The following SCLT1 variants were observed in gnomAD, a reference collection of about 807,000 sequenced individuals.
SCLT1 encodes the protein sodium channel and clathrin linker 1, also known as sodium channel-associated protein 1.
A neutral mutation model predicts 112.8 loss-of-function variants in SCLT1; 78 were observed. That is an observed-to-expected ratio of 0.69 (90% CI 0.58 to 0.83). The LOEUF is 0.83. Among genes scored for constraint, SCLT1 ranks in the 40% least tolerant of loss-of-function variants. The probability of loss-of-function intolerance (pLI) is 0.00; values close to 1 mark genes in which losing one functional copy is unlikely to be tolerated. For synonymous variants in SCLT1, 257 were observed against 254.7 expected (o/e 1.01, Z -0.09); for missense variants, 747 against 770.4 (o/e 0.97, Z 0.36).
At chr4:128,970,208 A>G (rs547463990) in intron 10 of SCLT1, among the ~76,000 whole-genome samples, 170 bp downstream of exon 10, 1 of 152,288 alleles carries the variant, frequency 6.6e-6, no homozygotes, top group African/African-American at 2.4e-5. Context: ...AATTCTTTAT[A>G]AAGTTGTTTT....
chr4:128,904,413 A>G (rs1191428033), intron 18 of SCLT1, among the ~76,000 whole-genome samples: 1 of 152,184 alleles, frequency 6.6e-6, no homozygotes, highest in Non-Finnish European at 1.5e-5. Context: ...TTTACTAAGT[A>G]ATTTACATAT....
chr4:129,043,005 A>C (rs1000705632), intron 4 of SCLT1, among the ~76,000 whole-genome samples: 1 of 152,086 alleles, frequency 6.6e-6, no homozygotes, highest in Non-Finnish European at 1.5e-5. Context: ...CCAGGGAGTC[A>C]GAGGTTGCAG....
chr4:129,057,640 A>G (rs1749554833), intron 2 of SCLT1, among the ~76,000 whole-genome samples: 1 of 149,796 alleles, frequency 6.7e-6, no homozygotes, highest in Non-Finnish European at 1.5e-5. Context: ...TATTTCTTCT[A>G]CATTTAATCT....
intron 2 of SCLT1, among the ~76,000 whole-genome samples, chr4:129,070,625 T>C (rs1242148431): frequency 3.3e-5 from 5 of 152,214 alleles, no homozygotes; most frequent in Non-Finnish European, 7.3e-5. Context: ...CATTTCTTAG[T>C]GAGGTTATTG....
In SCLT1 at chr4:129,061,790, T is replaced by G. The variant is rs538916512; in HGVS notation, c.103-17739A>C. Among the ~76,000 whole-genome samples the G allele has an allele frequency of 1.7e-3, 255 of 152,210 alleles. 1 individual carries two copies. Among genetic ancestry groups the G allele is most frequent in the Non-Finnish European group, 2.2e-3 (152 of 68,004 alleles). ...TGAGATGAGGTGGCTGAAAAGCTGC[T>G]TAGCCTCAGTTAATGAAGGGGAGCT... On this transcript the variant is annotated intron_variant, in intron 2 of 20. Transcript: ENST00000281142.
At chr4:129,037,496 T>A (rs1371535652) in intron 5 of SCLT1, 7 of 152,204 alleles carry the variant, frequency 4.6e-5, no homozygotes, top group African/African-American at 1.7e-4. Context: ...GTCAATATCC[T>A]ATGACCCTTT....
intron 18 of SCLT1, among the ~76,000 whole-genome samples, chr4:128,908,529 C>T (rs1192086185): frequency 6.6e-6 from 1 of 152,026 alleles, no homozygotes; most frequent in East Asian, 1.9e-4. Context: ...TTGTTTTGGA[C>T]AAGCGAATAT....
intron 17 of SCLT1, among the ~76,000 whole-genome samples, chr4:128,942,401 A>T (rs2125988677): frequency 6.6e-6 from 1 of 152,254 alleles, no homozygotes; most frequent in Non-Finnish European, 1.5e-5. Context: ...TGACATGGGG[A>T]AAGGTAAGCA....
intron 18 of SCLT1, among the ~76,000 whole-genome samples, chr4:128,923,318 T>C (rs962356826): frequency 2.0e-5 from 3 of 151,996 alleles, no homozygotes; most frequent in Admixed American, 2.0e-4. Flanking sequence ...TGGTGGCACA[T>C]GCCTGTATCC....
chr4:128,941,058 C>T (rs1049111325), intron 17 of SCLT1, among the ~76,000 whole-genome samples: 1 of 151,316 alleles, frequency 6.6e-6, no homozygotes, highest in Non-Finnish European at 1.5e-5. Flanking sequence ...ATTTTTTATT[C>T]GGTTACAAAT....
rs74914080 is a variant in SCLT1, at chr4:128,948,468, G to A, written c.1293+28C>T. 3.3e-3 allele frequency: 5,298 copies of A among 1,598,244 alleles called. 180 individuals carry two copies. In the African/African-American group the frequency reaches 0.064, roughly 19 times the overall value. On this transcript the variant is annotated intron_variant, in intron 15 of 20. Transcript: ENST00000281142. Reference sequence around the variant, plus strand: ...GTTGCATATTTGCAGTTGGGTTTTAGGTAGTTATATTTCCTTTTTCTTTTT... The same window carrying A: ...GTTGCATATTTGCAGTTGGGTTTTAAGTAGTTATATTTCCTTTTTCTTTTT...
intron 9 of SCLT1, among the ~76,000 whole-genome samples, chr4:128,984,510 A>T (rs920282036): frequency 3.3e-5 from 5 of 152,202 alleles, no homozygotes; most frequent in Admixed American, 3.3e-4. Flanking sequence ...ATAAAATTTC[A>T]TGATTCTTCC....
chr4:129,021,360 AG>A (rs1745456235), intron 5 of SCLT1, among the ~76,000 whole-genome samples: 1 of 152,174 alleles, frequency 6.6e-6, no homozygotes, highest in Admixed American at 6.5e-5. Context: ...TCCCCTGGAA[AG>A]GGGGCTGAAG....
At position 128,889,309 on chromosome 4, in the gene SCLT1, G is replaced by C. The variant is rs112095977; in HGVS notation, c.1909-535C>G. Among the ~76,000 whole-genome samples the C allele has an allele frequency of 2.9e-3, 436 of 152,294 alleles. 1 individual carries two copies. The highest frequency in any genetic ancestry group is 0.01 in the Middle Eastern group (3 of 294). ...ATCAAGTTGAGATGAGATCATTAGG[G>C]TGGACCATAATCCATATGACTGGTG... is the stretch of plus-strand genomic sequence containing the variant. On this transcript the variant is annotated intron_variant, in intron 19 of 20. Transcript: ENST00000281142.
At position 128,894,363 on chromosome 4, in the gene SCLT1, A is replaced by AACACAC. The variant is rs10522940; in HGVS notation, c.1830-3232_1830-3227dup. ...AATAATGAAAGTTCATTGAGTAAGT[A>AACACAC]ACACACACACACACACACACACACA... is the stretch of plus-strand genomic sequence containing the variant. On this transcript the variant is annotated intron_variant, in intron 18 of 20. Coordinates refer to ENST00000281142, the MANE Select transcript of SCLT1 (RefSeq NM_144643.4). 2.8e-5 allele frequency among the ~76,000 whole-genome samples: 4 copies of AACACAC among 143,018 alleles called. No individual in the cohort carries two copies. The East Asian group carries it at 6.4e-4, about 23-fold the overall frequency. The allele number at this position is 143,018 out of a possible 152,430, so 93.8% of individuals were successfully genotyped here.
chr4:128,890,911 T>C (rs1397657380), intron 19 of SCLT1, 148 bp downstream of exon 19: 2 of 571,114 alleles, frequency 3.5e-6, no homozygotes, highest in Non-Finnish European at 6.3e-6. Context: ...ATTCACATTA[T>C]ATTGCGTGTG....
intron 5 of SCLT1, among the ~76,000 whole-genome samples, chr4:129,011,617 AC>A (rs1744529868): frequency 6.6e-6 from 1 of 151,710 alleles, no homozygotes; most frequent in Non-Finnish European, 1.5e-5. Context: ...TAGAAGTGGT[AC>A]CAGCTCTTTG....
At chr4:129,012,223 A>G (rs1385031588) in intron 5 of SCLT1, among the ~76,000 whole-genome samples, 1 of 152,146 alleles carries the variant, frequency 6.6e-6, no homozygotes, top group Non-Finnish European at 1.5e-5. Context: ...AGATTCTGGT[A>G]TGTTGTATCT....
intron 2 of SCLT1, among the ~76,000 whole-genome samples, chr4:129,058,672 G>T (rs1749674502): frequency 6.6e-6 from 1 of 152,066 alleles, no homozygotes; most frequent in Non-Finnish European, 1.5e-5. Flanking sequence ...GATGAAAATA[G>T]CATGTATTCT....
Sources: gnomAD v4.1 joint callset for allele counts (sites outside exome capture counted in the v4.1 genomes callset) on GRCh38, gnomAD v4.1.1 for gene constraint, MANE v1.5 for transcripts, NCBI Gene and HGNC (gene_info 2026-07-23, HGNC 2026-07-21) for gene names.